CAMKMT: variants seen among roughly 807,000 people sequenced by gnomAD.
CAMKMT encodes the protein calmodulin-lysine N-methyltransferase.
CAMKMT carries 53 observed loss-of-function variants against 48.0 expected under a neutral mutation model. The observed-to-expected ratio is 1.10, with a 90% CI of 0.89 to 1.39. CAMKMT has a LOEUF of 1.39. Among genes scored for constraint, CAMKMT ranks in the 40% most tolerant of loss-of-function variants. The pLI, the probability that CAMKMT is intolerant of heterozygous loss-of-function variation, is 0.00. For synonymous variants in CAMKMT, 165 were observed against 152.3 expected, an observed-to-expected ratio of 1.08 and a Z score of -0.61; for missense variants, 428 against 402.7, an observed-to-expected ratio of 1.06 and a Z score of -0.54.
At chr2:44,382,374 G>A (rs1203346297) in intron 2 of CAMKMT, among the ~76,000 whole-genome samples, 2 of 151,910 alleles carry the variant, frequency 1.3e-5, no homozygotes, top group Admixed American at 1.3e-4. Flanking sequence ...ATGTTATTAT[G>A]ATTGTTTTAT....
chr2:44,682,031 G>T (rs1200297889), intron 3 of CAMKMT, among the ~76,000 whole-genome samples: 1 of 152,162 alleles, frequency 6.6e-6, no homozygotes, highest in African/African-American at 2.4e-5. Flanking sequence ...CCCCTGAAAG[G>T]CATGCCAGCA....
chr2:44,639,293 GATTATGGTTT>G (rs1673315910), intron 3 of CAMKMT, among the ~76,000 whole-genome samples: 1 of 152,216 alleles, frequency 6.6e-6, no homozygotes, highest in Non-Finnish European at 1.5e-5. Context: ...AATATGACCA[GATTATGGTTT>G]GCCTGTTGCA....
chr2:44,450,511 C>T (rs1416330090), intron 3 of CAMKMT, among the ~76,000 whole-genome samples: 1 of 152,102 alleles, frequency 6.6e-6, no homozygotes, highest in Admixed American at 6.6e-5. Context: ...GCATTCTGAA[C>T]TTGCTTAAAC....
chr2:44,553,907 C>G (rs949250235), intron 3 of CAMKMT, among the ~76,000 whole-genome samples: 6 of 152,056 alleles, frequency 3.9e-5, no homozygotes, highest in African/African-American at 1.4e-4. Flanking sequence ...TGCTTGGTTA[C>G]TTTTATTGTT....
chr2:44,522,068 A>G (rs971378298), intron 3 of CAMKMT, among the ~76,000 whole-genome samples: 10 of 151,572 alleles, frequency 6.6e-5, no homozygotes, highest in African/African-American at 2.4e-4. Context: ...CAGTGGCACA[A>G]TCTCAGCTCA....
chr2:44,447,298 T>G (rs542442005), intron 3 of CAMKMT, among the ~76,000 whole-genome samples: 4 of 152,346 alleles, frequency 2.6e-5, no homozygotes, highest in African/African-American at 9.6e-5. Flanking sequence ...GTTGATTTCC[T>G]TTTATTCTCC....
At chr2:44,492,629 A>T (rs567754235) in intron 3 of CAMKMT, among the ~76,000 whole-genome samples, 1 of 152,184 alleles carries the variant, frequency 6.6e-6, no homozygotes, top group East Asian at 1.9e-4. Flanking sequence ...AATATCACCG[A>T]TGATGTTGGT....
intron 6 of CAMKMT, among the ~76,000 whole-genome samples, 170 bp downstream of exon 6, chr2:44,707,632 C>G (rs1408041551): frequency 6.6e-6 from 1 of 152,146 alleles, no homozygotes; most frequent in African/African-American, 2.4e-5. Flanking sequence ...TTGCATACAA[C>G]TCCGTAGGTT....
At position 44,486,860 on chromosome 2, in the gene CAMKMT, A is replaced by G. The variant is rs539939282; in HGVS notation, c.376+96555A>G. On this transcript the variant is annotated intron_variant, in intron 3 of 10. Transcript: ENST00000378494. ...CTGAGAGACATTGTCTGTGTTGTTTATAATTTAGATTCCAGTGCCTAACAT... is the reference window on the plus strand; with the variant it reads ...CTGAGAGACATTGTCTGTGTTGTTTGTAATTTAGATTCCAGTGCCTAACAT... 2.0e-5 allele frequency among the ~76,000 whole-genome samples: 3 copies of G among 152,306 alleles called. No homozygotes were observed. In the East Asian group the frequency reaches 5.8e-4, roughly 29 times the overall value.
intron 3 of CAMKMT, among the ~76,000 whole-genome samples, chr2:44,668,621 T>G (rs972881732): frequency 6.6e-6 from 1 of 152,138 alleles, no homozygotes; most frequent in African/African-American, 2.4e-5. Context: ...TTTTCTTTAC[T>G]TTTTTTGAAA....
chr2:44,411,161 G>A (rs1333401925), intron 3 of CAMKMT, among the ~76,000 whole-genome samples: 1 of 152,052 alleles, frequency 6.6e-6, no homozygotes, highest in Non-Finnish European at 1.5e-5. Flanking sequence ...GTAATTTGCG[G>A]TCTTTATAGA....
intron 3 of CAMKMT, among the ~76,000 whole-genome samples, chr2:44,660,945 T>C (rs1280935393): frequency 6.6e-6 from 1 of 152,094 alleles, no homozygotes; most frequent in African/African-American, 2.4e-5. Flanking sequence ...TGTTATGTTT[T>C]TGGGAATAGT....
Position 44,555,584 on chromosome 2 carries a change from T to C in CAMKMT, c.377-148699T>C, listed in dbSNP as rs185690432. On this transcript the variant is annotated intron_variant, in intron 3 of 10. Coordinates refer to ENST00000378494, the MANE Select transcript of CAMKMT (RefSeq NM_024766.5). ...AGGAGAGTGGTCTCATCTGTAGAAA[T>C]TGATTTGGGAGTCATCTTCAAATGA... Among the ~76,000 whole-genome samples, 4 of 152,216 alleles carry C rather than the reference T, an allele frequency of 2.6e-5. No homozygotes were observed. The East Asian group carries it at 5.8e-4, about 22-fold the overall frequency.
chr2:44,654,923 A>G (rs1349112958), intron 3 of CAMKMT, among the ~76,000 whole-genome samples: 2 of 152,226 alleles, frequency 1.3e-5, no homozygotes, highest in Non-Finnish European at 2.9e-5. Flanking sequence ...TGTTATGTAC[A>G]TGTACCATAA....
chr2:44,441,835 A>G (rs1006302460), intron 3 of CAMKMT, among the ~76,000 whole-genome samples: 1 of 152,120 alleles, frequency 6.6e-6, no homozygotes, highest in African/African-American at 2.4e-5. Flanking sequence ...GCATTTTGAC[A>G]TGGTAGCTTT....
At chr2:44,652,273 C>A (rs2078351) in intron 3 of CAMKMT, among the ~76,000 whole-genome samples, 1 of 152,264 alleles carries the variant, frequency 6.6e-6, no homozygotes, top group East Asian at 1.9e-4. Context: ...ATCCCTTTTA[C>A]TTGTGTTCTT....
chr2:44,569,411 G>A (rs890771497), intron 3 of CAMKMT, among the ~76,000 whole-genome samples: 1 of 152,090 alleles, frequency 6.6e-6, no homozygotes, highest in African/African-American at 2.4e-5. Flanking sequence ...CATTGCAAAT[G>A]ATTCTGAAAA....
intron 2 of CAMKMT, 99 bp downstream of exon 2, chr2:44,372,987 A>C (rs1057168974): frequency 4.4e-6 from 5 of 1,136,084 alleles, no homozygotes; most frequent in Middle Eastern, 4.1e-4. Flanking sequence ...TATTGAGTTT[A>C]CGGGCAATCT....
chr2:44,617,099 T>C (rs77918073), intron 3 of CAMKMT, among the ~76,000 whole-genome samples: 5,764 of 152,272 alleles, frequency 0.038, 352 homozygotes, highest in African/African-American at 0.13. Flanking sequence ...TAAACATGTT[T>C]AAACTTTGTG....
Sources: allele counts gnomAD v4.1 joint callset (sites outside exome capture counted in the v4.1 genomes callset), GRCh38; gene constraint gnomAD v4.1.1; transcripts MANE v1.5; gene names NCBI Gene and HGNC (gene_info 2026-07-23, HGNC 2026-07-21).